Variants in SLC1A7 observed in about 807,000 individuals in gnomAD.
The protein encoded by SLC1A7 is solute carrier family 1 member 7, also known as excitatory amino acid transporter 5.
SLC1A7 carries 40 observed loss-of-function variants against 47.7 expected under a neutral mutation model. The ratio of observed to expected loss-of-function variants is 0.84; its 90% CI spans 0.65 to 1.09. SLC1A7 has a LOEUF of 1.09. Ranked by LOEUF, SLC1A7 falls within the 50% of genes least tolerant of loss-of-function variation. The probability of loss-of-function intolerance (pLI) is 0.00; values close to 1 mark genes in which losing one functional copy is unlikely to be tolerated. For missense variants in SLC1A7, 746 were observed against 769.5 expected, an observed-to-expected ratio of 0.97 and a Z score of 0.36; for synonymous variants, 323 against 325.6, an observed-to-expected ratio of 0.99 and a Z score of 0.09.
Position 53,088,918 on chromosome 1 carries a change from G to A in SLC1A7, c.1423C>T (p.His475Tyr), listed in dbSNP as rs949172793. 6.2e-7 allele frequency: 1 copy of A among 1,614,098 alleles called. No individual in the cohort carries two copies. Among genetic ancestry groups the A allele is most frequent in the Non-Finnish European group, 8.5e-7 (1 of 1,180,006 alleles). Residue 475 changes from histidine (H) to tyrosine (Y), a missense_variant, in exon 10 of 11, where the codon CAT becomes TAT. Transcript: ENST00000371494. Reference protein sequence around the residue: ...GDALAAGIMAHICRKDFARDT... With the variant: ...GDALAAGIMAYICRKDFARDT... Reference sequence around the variant, plus strand: ...CGGGCAAAATCCTTCCGACATATATGGGCCATGATCCCCGCTGCCAGCGCA... The same window carrying A: ...CGGGCAAAATCCTTCCGACATATATAGGCCATGATCCCCGCTGCCAGCGCA...
At chr1:53,096,639 T>G (rs1644495527) in intron 5 of SLC1A7, among the ~76,000 whole-genome samples, 1 of 147,880 alleles carries the variant, frequency 6.8e-6, no homozygotes, top group African/African-American at 2.5e-5. Context: ...ACATACCACT[T>G]CGGTACACTC....
At chr1:53,098,135 ACAC>A (rs762889772) in intron 5 of SLC1A7, among the ~76,000 whole-genome samples, 2 of 147,568 alleles carry the variant, frequency 1.4e-5, no homozygotes, top group Non-Finnish European at 3.0e-5. Flanking sequence ...CTCAGTACAC[ACAC>A]CACGTCTTGG....
intron 5 of SLC1A7, 149 bp downstream of exon 5, chr1:53,103,197 A>G (rs1332300282): frequency 3.2e-6 from 2 of 625,116 alleles, no homozygotes; most frequent in African/African-American, 3.7e-5. Flanking sequence ...AAGGATTTAA[A>G]TAAACAGGTG....
chr1:53,107,323 A>G (rs1325211289), intron 3 of SLC1A7, among the ~76,000 whole-genome samples: 1 of 152,192 alleles, frequency 6.6e-6, no homozygotes, highest in East Asian at 1.9e-4. Flanking sequence ...TAAGCGCAAC[A>G]TAGCATCCTG....
chr1:53,088,963 T>C lies in SLC1A7; in HGVS notation c.1378A>G (p.Met460Val), dbSNP rs755327734. Residue 460 changes from methionine (M) to valine (V), a missense_variant, in exon 10 of 11, where the codon ATG becomes GTG. Physicochemically the swap from Met to Val is conservative, Grantham distance 21. Transcript: ENST00000371494. ...AGCGCATCACCCAGCACGTTAATCA[T>C]GGTGCGGAAACGGTCCCTGGTGAGC... is the stretch of plus-strand genomic sequence containing the variant. ...VDWALDRFRT[M>V]INVLGDALAA... is the part of the protein sequence containing the mutation. 3 of 1,614,020 alleles carry C rather than the reference T, an allele frequency of 1.9e-6. 1 individual carries two copies. The highest frequency in any genetic ancestry group is 1.1e-5 in the South Asian group (1 of 91,072).
At chr1:53,106,466 C>T (rs4926585) in intron 3 of SLC1A7, among the ~76,000 whole-genome samples, 15,704 of 151,740 alleles carry the variant, frequency 0.1, 952 homozygotes, top group South Asian at 0.17. Context: ...TAGCTGGGCA[C>T]GGTGGCGGGT....
chr1:53,142,351 G>C lies in SLC1A7; in HGVS notation c.99C>G (p.Leu33=). Residue 33 remains leucine (L), a synonymous_variant, in exon 1 of 11, where the codon CTC becomes CTG. Coordinates refer to ENST00000371494, the MANE Select transcript of SLC1A7 (RefSeq NM_006671.6). ...GGCGCCGGGTCCTCAAGAAGAAGCC[G>C]AGGAGGCAGCCCACGATGACAGACA... is the stretch of plus-strand genomic sequence containing the variant. The part of the protein sequence containing the change: ...SVLSVIVGCL[L]GFFLRTRRLS... 1 of 1,581,150 alleles carries C rather than the reference G, an allele frequency of 6.3e-7. No homozygotes were observed. Among genetic ancestry groups the C allele is most frequent in the Admixed American group, 1.8e-5 (1 of 55,166 alleles).
chr1:53,098,496 T>C (rs1644528948), intron 5 of SLC1A7, among the ~76,000 whole-genome samples: 1 of 138,184 alleles, frequency 7.2e-6, no homozygotes, highest in East Asian at 2.3e-4. Flanking sequence ...ATCACCCTTG[T>C]TACACTCAAA....
At chr1:53,108,387 A>C in intron 3 of SLC1A7, 1 of 596,748 alleles carries the variant, frequency 1.7e-6, no homozygotes, top group South Asian at 2.1e-5. Context: ...AATCATTTTA[A>C]ATGTGGGCCT....
At chr1:53,110,195 G>C (rs569614554) in intron 3 of SLC1A7, among the ~76,000 whole-genome samples, 1 of 152,344 alleles carries the variant, frequency 6.6e-6, no homozygotes, top group South Asian at 2.1e-4. Context: ...CACAGAGCTA[G>C]ACGGGATCTT....
rs1462599234 is a variant in SLC1A7 at position 53,142,333 on chromosome 1, G to A, written c.117C>T (p.Thr39=). Residue 39 remains threonine (T), a synonymous_variant, in exon 1 of 11, where the codon ACC becomes ACT. Transcript: ENST00000371494. ...VGCLLGFFLR[T]RRLSPQEISY... ...GGCTGACCTGTGGTGAGAGGCGCCG[G>A]GTCCTCAAGAAGAAGCCGAGGAGGC... 3 of 1,565,008 alleles carry A rather than the reference G, an allele frequency of 1.9e-6. No individual in the cohort carries two copies. Among genetic ancestry groups the A allele is most frequent in the African/African-American group, 2.7e-5 (2 of 73,748 alleles).
At chr1:53,123,029 G>A (rs1323533866) in intron 2 of SLC1A7, among the ~76,000 whole-genome samples, 1 of 152,064 alleles carries the variant, frequency 6.6e-6, no homozygotes, top group Non-Finnish European at 1.5e-5. Flanking sequence ...TGCCAAGAGG[G>A]CGCTCCACTG....
At chr1:53,137,219 G>A (rs948133448) in intron 1 of SLC1A7, among the ~76,000 whole-genome samples, 5 of 148,936 alleles carry the variant, frequency 3.4e-5, no homozygotes, top group East Asian at 2.0e-4. Context: ...CCCAGGAGGC[G>A]GGGATTGCAG....
chr1:53,091,304 T>C (rs1055760308), intron 7 of SLC1A7, among the ~76,000 whole-genome samples: 6 of 152,202 alleles, frequency 3.9e-5, no homozygotes, highest in Non-Finnish European at 8.8e-5. Flanking sequence ...TATTACTATG[T>C]TTGTCATGAG....
At chr1:53,130,988 C>A (rs1166611211) in intron 2 of SLC1A7, among the ~76,000 whole-genome samples, 1 of 152,154 alleles carries the variant, frequency 6.6e-6, no homozygotes, top group Non-Finnish European at 1.5e-5. Flanking sequence ...TCATATCTCC[C>A]CCCTGAAGGT....
At chr1:53,133,763 G>A (rs1029792517) in intron 2 of SLC1A7, among the ~76,000 whole-genome samples, 3 of 152,246 alleles carry the variant, frequency 2.0e-5, no homozygotes, top group Non-Finnish European at 2.9e-5. Context: ...GTTCAAGGTC[G>A]TTCATGATTG....
intron 3 of SLC1A7, among the ~76,000 whole-genome samples, chr1:53,113,600 G>A (rs1644722558): frequency 6.6e-6 from 1 of 151,886 alleles, no homozygotes; most frequent in Non-Finnish European, 1.5e-5. Context: ...CCCATCCCCA[G>A]GGCCACCACT....
At chr1:53,103,851 C>A (rs1028707092) in intron 4 of SLC1A7, among the ~76,000 whole-genome samples, 1 of 152,116 alleles carries the variant, frequency 6.6e-6, no homozygotes, top group Non-Finnish European at 1.5e-5. Context: ...TCCCTCTTAA[C>A]TGCCTGCCCA....
chr1:53,116,851 C>G (rs1462308777), intron 2 of SLC1A7, among the ~76,000 whole-genome samples: 2 of 152,238 alleles, frequency 1.3e-5, no homozygotes, highest in Admixed American at 6.5e-5. Context: ...ACCTTTCGCA[C>G]ATGCCCACTC....
Sources: gnomAD v4.1 joint callset for allele counts (sites outside exome capture counted in the v4.1 genomes callset) on GRCh38, gnomAD v4.1.1 for gene constraint, MANE v1.5 for transcripts, NCBI Gene and HGNC (gene_info 2026-07-23, HGNC 2026-07-21) for gene names.